ANKRD28: variants seen among roughly 807,000 people sequenced by gnomAD.
The protein encoded by ANKRD28 is ankyrin repeat domain 28.
In ANKRD28, 44 loss-of-function variants were observed where a neutral mutation model predicts 126.5. The observed-to-expected ratio is 0.35, with a 90% CI of 0.27 to 0.45. The LOEUF is 0.45. Among genes scored for constraint, ANKRD28 ranks in the 20% least tolerant of loss-of-function variants. The pLI is 1.00. For synonymous variants in ANKRD28, 442 were observed against 468.5 expected (o/e 0.94, Z 0.73); for missense variants, 1,110 against 1,316.6 (o/e 0.84, Z 2.43).
intron 1 of ANKRD28, among the ~76,000 whole-genome samples, chr3:15,808,423 AAAC>A (rs2060635849): frequency 6.6e-6 from 1 of 152,234 alleles, no homozygotes; most frequent in African/African-American, 2.4e-5. Context: ...GGAAAAAAGA[AAAC>A]AAAGATGAAT....
At chr3:15,735,583 C>A in intron 5 of ANKRD28, 86 bp from the exon 6 acceptor site, 1 of 1,016,334 alleles carries the variant, frequency 9.8e-7, no homozygotes. Context: ...CTTATCTCAA[C>A]TTCTCTGGCA....
chr3:15,827,835 C>G (rs761257853), intron 1 of ANKRD28, among the ~76,000 whole-genome samples: 1 of 152,114 alleles, frequency 6.6e-6, no homozygotes, highest in Non-Finnish European at 1.5e-5. Context: ...TAGCAAATTA[C>G]AAATCTGACA....
chr3:15,766,294 G>A lies in ANKRD28; in HGVS notation c.220C>T (p.Pro74Ser), dbSNP rs766620046. 1.3e-5 allele frequency: 21 copies of A among 1,610,770 alleles called. No individual in the cohort carries two copies. Residue 74 changes from proline (P) to serine (S), a missense_variant, in exon 3 of 28, where the codon CCA (proline) becomes TCA (serine). Pro to Ser is a moderately conservative substitution (Grantham distance 74). Transcript: ENST00000683139. ...VNFQDNEKRT[P>S]LHAAAYLGDA... Reference sequence around the variant, plus strand: ...CCAAGGTAAGCTGCGGCGTGCAATGGGGTTCGCTTTTCATTGTCCTGTGAT... The same window carrying A: ...CCAAGGTAAGCTGCGGCGTGCAATGAGGTTCGCTTTTCATTGTCCTGTGAT...
rs1351369447 is a variant in ANKRD28, at chr3:15,677,006, G to GT, written c.2840dup (p.Asn947LysfsTer41). On this transcript the variant is annotated frameshift_variant, in exon 26 of 28. Transcript: ENST00000683139. LOFTEE classifies it high-confidence loss of function. ...AGGCTGCGTTGGTTGCATTGATGAG[G>GT]TTTCTATCTGTTATCTTTTCCAGTA... 6.2e-7 allele frequency: 1 copy of GT among 1,612,738 alleles called. No individual in the cohort carries two copies. The highest frequency in any genetic ancestry group is 8.5e-7 in the Non-Finnish European group (1 of 1,179,472).
intron 3 of ANKRD28, among the ~76,000 whole-genome samples, chr3:15,765,191 C>G (rs745575931): frequency 6.6e-6 from 1 of 152,118 alleles, no homozygotes; most frequent in Non-Finnish European, 1.5e-5. Context: ...TTTCTAAACT[C>G]TGTCTGTCTG....
chr3:15,829,751 C>T (rs1210564942), intron 1 of ANKRD28, among the ~76,000 whole-genome samples: 1 of 152,114 alleles, frequency 6.6e-6, no homozygotes, highest in Non-Finnish European at 1.5e-5. Flanking sequence ...TACAGATTTA[C>T]TCAAATTCTA....
At chr3:15,727,882 A>G (rs2074295843) in intron 6 of ANKRD28, among the ~76,000 whole-genome samples, 1 of 152,342 alleles carries the variant, frequency 6.6e-6, no homozygotes, top group Admixed American at 6.5e-5. Context: ...ACTCCCAAAG[A>G]TGCTGTGAAT....
chr3:15,823,607 A>G (rs1575772642), intron 1 of ANKRD28, among the ~76,000 whole-genome samples: 1 of 152,190 alleles, frequency 6.6e-6, no homozygotes, highest in Admixed American at 6.5e-5. Flanking sequence ...TACCAAAACT[A>G]GAAAAAGACA....
rs397934004 is a variant in ANKRD28 at position 15,731,848 on chromosome 3, C to CAAAAAAAAAA, written c.640+3552_640+3561dup. On this transcript the variant is annotated intron_variant, in intron 6 of 27. Coordinates refer to ENST00000683139, the MANE Select transcript of ANKRD28 (RefSeq NM_001349278.2). ...CTGGACAACAAGGGTGAAACTGTCT[C>CAAAAAAAAAA]AAAAAAAAAAAAAAAAAAAAAAAAA... The CAAAAAAAAAA allele has an allele frequency of 3.3e-3, 15 of 4,522 alleles. 1 individual carries two copies. Among genetic ancestry groups the CAAAAAAAAAA allele is most frequent in the African/African-American group, 8.2e-3 (13 of 1,584 alleles). The allele number at this position is 4,522 out of a possible 1,614,324, so 0.3% of individuals were successfully genotyped here. A position where few individuals can be genotyped will look rare whatever the true frequency, so the allele number is the denominator to read the frequency against.
rs977264806 is a variant in ANKRD28, at chr3:15,814,295, A to G, written c.28-18989T>C. The G allele has an allele frequency of 3.1e-6, 4 of 1,276,580 alleles. No homozygotes were observed. The highest frequency in any genetic ancestry group is 4.1e-6 in the Non-Finnish European group (4 of 984,462). 79.1% of individuals were successfully genotyped at this position (1,276,580 alleles called of 1,614,324 possible). On this transcript the variant is annotated intron_variant, in intron 1 of 27. Transcript: ENST00000399451. The surrounding 1 kb of genome is among the most constrained non-coding windows in gnomAD (Gnocchi z 4.7). ...TGGTGGAGGCAGTTGTACTGTTTCA[A>G]TTCCAATCACAGGCCTGTAGCAGAA...
intron 2 of ANKRD28, among the ~76,000 whole-genome samples, chr3:15,789,286 GGATGAACCAGGT>G (rs1462020248): frequency 1.4e-4 from 21 of 152,010 alleles, no homozygotes; most frequent in African/African-American, 4.6e-4. Flanking sequence ...CTGCTCCAGG[GGATGAACCAGGT>G]GATGAACCAA....
intron 4 of ANKRD28, among the ~76,000 whole-genome samples, chr3:15,742,328 T>G (rs1444698052): frequency 6.7e-6 from 1 of 149,370 alleles, no homozygotes; most frequent in African/African-American, 2.5e-5. Flanking sequence ...ATCTAGGAAG[T>G]GAGGAGCTTC....
intron 6 of ANKRD28, among the ~76,000 whole-genome samples, chr3:15,731,320 T>C (rs2074579307): frequency 6.6e-6 from 1 of 152,202 alleles, no homozygotes; most frequent in African/African-American, 2.4e-5. Flanking sequence ...AGTTGTTTAG[T>C]CAAGCTTAAT....
intron 2 of ANKRD28, among the ~76,000 whole-genome samples, chr3:15,792,455 A>G (rs978264535): frequency 6.6e-6 from 1 of 152,176 alleles, no homozygotes; most frequent in Non-Finnish European, 1.5e-5. Context: ...TAACCGAAAT[A>G]AGGCAGGCAC....
chr3:15,776,344 A>G (rs2059266754), intron 2 of ANKRD28, among the ~76,000 whole-genome samples: 1 of 152,264 alleles, frequency 6.6e-6, no homozygotes, highest in South Asian at 2.1e-4. Context: ...TGCATCATTC[A>G]AAATAGAAAA....
chr3:15,707,878 G>A (rs2071670585), intron 14 of ANKRD28, 46 bp downstream of exon 14: 1 of 1,576,622 alleles, frequency 6.3e-7, no homozygotes, highest in Non-Finnish European at 8.7e-7. Context: ...GAAGATGCCA[G>A]TTTATAGAAA....
chr3:15,751,698 C>G (rs906574037), intron 4 of ANKRD28, 52 bp downstream of exon 4: 11 of 1,144,848 alleles, frequency 9.6e-6, no homozygotes, highest in African/African-American at 6.2e-5. Context: ...TTCAGGGGTA[C>G]GCCTATTTAA....
chr3:15,822,211 T>C (rs1312531901), intron 1 of ANKRD28, among the ~76,000 whole-genome samples: 1 of 152,194 alleles, frequency 6.6e-6, no homozygotes, highest in African/African-American at 2.4e-5. Flanking sequence ...GACAGAACTG[T>C]AAGAAGCTTG....
chr3:15,682,519 C>T (rs1182861292), intron 21 of ANKRD28, among the ~76,000 whole-genome samples: 1 of 152,088 alleles, frequency 6.6e-6, no homozygotes, highest in Non-Finnish European at 1.5e-5. Context: ...ATGTTTAGAG[C>T]TTCATAAAAA....
Sources: gnomAD v4.1 joint callset for allele counts (sites outside exome capture counted in the v4.1 genomes callset) on GRCh38, gnomAD v4.1.1 for gene constraint, Gnocchi (gnomAD v3.1) non-coding constraint, MANE v1.5 for transcripts, NCBI Gene and HGNC (gene_info 2026-07-23, HGNC 2026-07-21) for gene names.